The following HS1BP3 variants were observed in gnomAD, a reference collection of about 807,000 sequenced individuals.
The protein encoded by HS1BP3 is HCLS1 binding protein 3.
A neutral mutation model predicts 33.5 loss-of-function variants in HS1BP3; 32 were observed. The ratio of observed to expected loss-of-function variants is 0.95; its 90% CI spans 0.72 to 1.28. HS1BP3 has a LOEUF of 1.28. HS1BP3 is among the 50% of genes most tolerant of loss of function. The pLI, the probability that HS1BP3 is intolerant of heterozygous loss-of-function variation, is 0.00. For synonymous variants in HS1BP3, 187 were observed against 209.2 expected, an observed-to-expected ratio of 0.89 and a Z score of 0.92; for missense variants, 486 against 502.3, an observed-to-expected ratio of 0.97 and a Z score of 0.31.
chr2:20,578,187 A>T (rs1015863187), intron 5 of HS1BP3, among the ~76,000 whole-genome samples: 2 of 152,162 alleles, frequency 1.3e-5, no homozygotes, highest in Non-Finnish European at 2.9e-5. Context: ...GGAGAGTGGC[A>T]CAGGGTGGGG....
chr2:20,566,235 C>A (rs1432714220), intron 5 of HS1BP3, among the ~76,000 whole-genome samples: 1 of 152,208 alleles, frequency 6.6e-6, no homozygotes, highest in East Asian at 1.9e-4. Flanking sequence ...AAGATGTTTC[C>A]CCTATAACTG....
At chr2:20,593,218 T>A (rs941196200) in intron 3 of HS1BP3, among the ~76,000 whole-genome samples, 2 of 152,202 alleles carry the variant, frequency 1.3e-5, no homozygotes, top group African/African-American at 4.8e-5. Context: ...GGCCAGGCCC[T>A]CCCTGGCCAC....
Position 20,631,842 on chromosome 2 carries a change from GC to G in HS1BP3, c.623+6593del, listed in dbSNP as rs1163568773. Among the ~76,000 whole-genome samples, 3 of 152,192 alleles carry G rather than the reference GC, an allele frequency of 2.0e-5. No homozygotes were observed. The East Asian group carries it at 5.8e-4, about 29-fold the overall frequency. ...CTGCAGCCTACATTCTACAGCAAGC[GC>G]CCAGTACCCCCAAGAGCCTGAATAC... On this transcript the variant is annotated intron_variant, in intron 4 of 6. Coordinates refer to ENST00000304031, the MANE Select transcript of HS1BP3 (RefSeq NM_022460.4).
chr2:20,572,107 T>C (rs1371406209), intron 5 of HS1BP3, among the ~76,000 whole-genome samples: 6 of 152,230 alleles, frequency 3.9e-5, no homozygotes. Context: ...TCCTTTCTGA[T>C]GGCTCAAGAG....
At chr2:20,624,232 A>G (rs1231642335) in intron 5 of HS1BP3, among the ~76,000 whole-genome samples, 1 of 152,080 alleles carries the variant, frequency 6.6e-6, no homozygotes, top group Admixed American at 6.5e-5. Flanking sequence ...GGCCCTCGGG[A>G]TAGGGACTAG....
At chr2:20,627,842 G>A (rs950458295) in intron 4 of HS1BP3, among the ~76,000 whole-genome samples, 4 of 152,174 alleles carry the variant, frequency 2.6e-5, no homozygotes, top group African/African-American at 7.2e-5. Flanking sequence ...TTCAGCCTCT[G>A]GGGGCTTAGT....
chr2:20,626,472 G>A (rs2149293152), intron 4 of HS1BP3, among the ~76,000 whole-genome samples: 1 of 152,336 alleles, frequency 6.6e-6, no homozygotes, highest in South Asian at 2.1e-4. Context: ...GGCAGGCTGG[G>A]TCTAGATTGA....
intron 1 of HS1BP3, among the ~76,000 whole-genome samples, chr2:20,646,037 A>C (rs1193375747): frequency 6.6e-6 from 1 of 152,212 alleles, no homozygotes; most frequent in Non-Finnish European, 1.5e-5. Context: ...CCCGTCCCTC[A>C]TCTGGGCAGT....
At chr2:20,640,416 G>A (rs1695302059) in intron 3 of HS1BP3, 1 of 215,036 alleles carries the variant, frequency 4.7e-6, no homozygotes. Context: ...ACAGGGCCAG[G>A]ACACCCATGG....
At chr2:20,582,225 G>A (rs57179644) in intron 5 of HS1BP3, among the ~76,000 whole-genome samples, 3,650 of 152,298 alleles carry the variant, frequency 0.024, 105 homozygotes, top group African/African-American at 0.075. Context: ...TGAAAAGAAA[G>A]TGAAGCCCCA....
downstream of HS1BP3, among the ~76,000 whole-genome samples, chr2:20,616,695 A>G (rs1238861862): frequency 6.6e-6 from 1 of 152,120 alleles, no homozygotes; most frequent in Non-Finnish European, 1.5e-5. Context: ...TACCCTAAGC[A>G]GCAGCCTGGG....
downstream of HS1BP3, among the ~76,000 whole-genome samples, chr2:20,614,356 A>G (rs1462671680): frequency 6.6e-6 from 1 of 152,246 alleles, no homozygotes; most frequent in African/African-American, 2.4e-5. Flanking sequence ...AGGAAATGGA[A>G]CAAAAGCTGA....
downstream of HS1BP3, among the ~76,000 whole-genome samples, chr2:20,614,489 A>G (rs999261203): frequency 6.6e-6 from 1 of 152,242 alleles, no homozygotes; most frequent in African/African-American, 2.4e-5. Context: ...CAGAAGGCCC[A>G]GAGAACAGAA....
intron 3 of HS1BP3, among the ~76,000 whole-genome samples, chr2:20,594,386 A>T (rs1335129035): frequency 2.0e-5 from 3 of 152,234 alleles, no homozygotes; most frequent in Admixed American, 2.0e-4. Context: ...ATGGCATCAC[A>T]AATCCTTTTT....
intron 2 of HS1BP3, among the ~76,000 whole-genome samples, chr2:20,599,202 C>T (rs1029688797): frequency 7.9e-5 from 12 of 152,250 alleles, no homozygotes; most frequent in African/African-American, 2.7e-4. Context: ...GGAACAGGAA[C>T]TGGGACAAGA....
chr2:20,564,968 C>T (rs759314298), intron 5 of HS1BP3, among the ~76,000 whole-genome samples: 6 of 152,206 alleles, frequency 3.9e-5, no homozygotes, highest in Non-Finnish European at 7.3e-5. Flanking sequence ...AAGTAGGCAT[C>T]GTGCTGCAGG....
intron 4 of HS1BP3, chr2:20,635,331 G>A (rs1695091085): frequency 6.6e-6 from 1 of 152,238 alleles, no homozygotes; most frequent in Non-Finnish European, 1.5e-5. Context: ...GAAACCAGCA[G>A]AGGAAGGAGG....
intron 2 of HS1BP3, among the ~76,000 whole-genome samples, chr2:20,602,685 C>T (rs1031881178): frequency 3.3e-5 from 5 of 151,966 alleles, no homozygotes; most frequent in African/African-American, 4.8e-5. Context: ...ACTGGAAAGT[C>T]GATGACACCA....
At position 20,611,069 on chromosome 2, in the gene HS1BP3, G is replaced by A. The variant is rs1168601924; in HGVS notation, c.179-12804C>T. On this transcript the variant is annotated intron_variant, in intron 2 of 3. Coordinates refer to the HS1BP3 transcript ENST00000415264. This position sits in a 1 kb window ranked among gnomAD's most constrained non-coding sequence, Gnocchi z 4.9. ...GGATCATACAAGATATAGTTTTGGGGTCTGGCTTCTTTCACTTAGCATGTT... is the reference window on the plus strand; with the variant it reads ...GGATCATACAAGATATAGTTTTGGGATCTGGCTTCTTTCACTTAGCATGTT... 1.3e-5 allele frequency among the ~76,000 whole-genome samples: 2 copies of A among 152,204 alleles called. No individual in the cohort carries two copies. The highest frequency in any genetic ancestry group is 4.8e-5 in the African/African-American group (2 of 41,446).
Sources: allele counts gnomAD v4.1 joint callset (sites outside exome capture counted in the v4.1 genomes callset), GRCh38; gene constraint gnomAD v4.1.1; non-coding constraint Gnocchi (gnomAD v3.1); transcripts MANE v1.5; gene names NCBI Gene and HGNC (gene_info 2026-07-23, HGNC 2026-07-21).